ZNF282: variants seen among roughly 807,000 people sequenced by gnomAD.
ZNF282 encodes the protein HTLV-I U5 repressive element-binding protein 1.
Under a neutral mutation model 61.9 loss-of-function variants are expected in ZNF282, and 30 were observed. The ratio of observed to expected loss-of-function variants is 0.48; its 90% confidence interval spans 0.36 to 0.66. The LOEUF (loss-of-function observed/expected upper bound fraction) is 0.66. Among genes scored for constraint, ZNF282 ranks in the 30% least tolerant of loss-of-function variants. The pLI is 0.00. For synonymous variants in ZNF282, 396 were observed against 405.0 expected (o/e 0.98, Z 0.27); for missense variants, 788 against 941.4 (o/e 0.84, Z 2.13).
In ZNF282 at chr7:149,224,527, C is replaced by T. The variant is rs1193034068; in HGVS notation, c.1896C>T (p.Cys632=). Residue 632 remains cysteine (C), a synonymous_variant, in exon 8 of 8, where the codon TGC becomes TGT. Coordinates refer to ENST00000610704, the MANE Select transcript of ZNF282 (RefSeq NM_003575.4). ...RIHTGERPYT[C]GECGKSFRYK... is the part of the protein sequence containing the mutation. The stretch of plus-strand genomic sequence containing the variant: ...ACACGGGCGAGCGCCCCTACACGTG[C>T]GGCGAGTGCGGCAAGAGCTTCCGCT... The T allele has an allele frequency of 1.2e-6, 2 of 1,611,512 alleles. No homozygotes were observed. The highest frequency in any genetic ancestry group is 1.1e-5 in the South Asian group (1 of 91,072).
In ZNF282 at chr7:149,208,756, C is replaced by T. The variant is rs181709240; in HGVS notation, c.832+1286C>T. Among the ~76,000 whole-genome samples, 1,390 of 151,682 alleles carry T rather than the reference C, an allele frequency of 9.2e-3. 20 individuals carry two copies. Among genetic ancestry groups the T allele is most frequent in the African/African-American group, 0.032 (1,327 of 41,428 alleles). On this transcript the variant is annotated intron_variant, in intron 4 of 7. Transcript: ENST00000610704. ...ACACCCGGCAGGGCACGGTGGCTCA[C>T]GCCTGTAATCCTAGCACTTTGGGAG...
At position 149,198,259 on chromosome 7, in the gene ZNF282, C is replaced by A. The variant is rs1055894354; in HGVS notation, c.166-74C>A. ...GACATGTAGCATCTGATTAGTTGACCCCTGTTCCCAGCTGACTTCCCCGGC... is the reference window on the plus strand; with the variant it reads ...GACATGTAGCATCTGATTAGTTGACACCTGTTCCCAGCTGACTTCCCCGGC... On this transcript the variant is annotated intron_variant, in intron 1 of 7. Transcript: ENST00000610704. This position sits in a 1 kb window ranked among gnomAD's most constrained non-coding sequence, Gnocchi z 4.3. The A allele has an allele frequency of 2.7e-6, 4 of 1,507,446 alleles. No individual in the cohort carries two copies. In the East Asian group the frequency reaches 6.8e-5, roughly 26 times the overall value. 93.4% of individuals were successfully genotyped at this position (1,507,446 alleles called of 1,614,324 possible).
chr7:149,221,968 C>T (rs1404598159), intron 7 of ZNF282, among the ~76,000 whole-genome samples: 2 of 151,726 alleles, frequency 1.3e-5, no homozygotes, highest in African/African-American at 4.8e-5. Context: ...AGCTCTTCCA[C>T]AGGCTTCCCC....
chr7:149,204,461 A>G (rs1315821901), intron 2 of ZNF282, among the ~76,000 whole-genome samples: 1 of 152,110 alleles, frequency 6.6e-6, no homozygotes, highest in East Asian at 1.9e-4. Context: ...TGTTGAGGGA[A>G]GGTTTTTCTG....
At chr7:149,202,148 TTC>T (rs1192526116) in intron 2 of ZNF282, among the ~76,000 whole-genome samples, 2 of 147,280 alleles carry the variant, frequency 1.4e-5, no homozygotes, top group African/African-American at 5.1e-5. Flanking sequence ...TAAGATATGC[TTC>T]TTTTTTTTTT....
At chr7:149,213,265 C>T (rs1206145734) in intron 6 of ZNF282, among the ~76,000 whole-genome samples, 3 of 152,200 alleles carry the variant, frequency 2.0e-5, no homozygotes, top group Non-Finnish European at 4.4e-5. Flanking sequence ...AGAGGGAAAG[C>T]GGGGCCTTCC....
Position 149,225,786 on chromosome 7 carries a change from A to G in ZNF282, c.*1139A>G, listed in dbSNP as rs1796360525. The G allele has an allele frequency of 6.5e-6, 1 of 152,740 alleles. No homozygotes were observed. The highest frequency in any genetic ancestry group is 2.1e-4 in the South Asian group (1 of 4,824). 9.5% of individuals were successfully genotyped at this position (152,740 alleles called of 1,614,324 possible). A position where few individuals can be genotyped will look rare whatever the true frequency, so the allele number is the denominator to read the frequency against. ...TTACTGCCCGTGCTCACGGACATGGATACAGACCCTGCTGTGCTCCACACC... is the reference window on the plus strand; with the variant it reads ...TTACTGCCCGTGCTCACGGACATGGGTACAGACCCTGCTGTGCTCCACACC... On this transcript the variant is annotated 3_prime_UTR_variant, in exon 8 of 8. Transcript: ENST00000610704.
At chr7:149,221,789 A>G (rs1014119508) in intron 7 of ZNF282, among the ~76,000 whole-genome samples, 2 of 152,146 alleles carry the variant, frequency 1.3e-5, no homozygotes, top group East Asian at 3.9e-4. Context: ...AGAGTATCAT[A>G]TAAGGACAGA....
chr7:149,206,829 A>G lies in ZNF282; in HGVS notation c.712+7A>G. ...AAAACCCTCATGTCCCTGGGTAAGG[A>G]CACCTTCTCTCCTCTTTGGTGAGCC... On this transcript the variant is annotated splice_region_variant and intron_variant, in intron 3 of 7. Transcript: ENST00000610704. 1 of 1,613,942 alleles carries G rather than the reference A, an allele frequency of 6.2e-7. No homozygotes were observed. The highest frequency in any genetic ancestry group is 8.5e-7 in the Non-Finnish European group (1 of 1,180,006).
chr7:149,222,983 G>C lies in ZNF282; in HGVS notation c.1181-829G>C, dbSNP rs559624077. On this transcript the variant is annotated intron_variant, in intron 7 of 7. Transcript: ENST00000610704. ...ATTTTATTTATTTACTTTTTTGAGA[G>C]ACAGAGTTTCGCTCTTGTTGCCCAG... is the stretch of plus-strand genomic sequence containing the variant. Among the ~76,000 whole-genome samples the C allele has an allele frequency of 1.7e-4, 25 of 149,092 alleles. 1 individual carries two copies. Among genetic ancestry groups the C allele is most frequent in the Non-Finnish European group, 1.5e-5 (1 of 67,398 alleles).
intron 7 of ZNF282, among the ~76,000 whole-genome samples, chr7:149,221,946 CTCTT>C (rs1796261269): frequency 1.3e-5 from 2 of 152,104 alleles, no homozygotes; most frequent in African/African-American, 2.4e-5. Flanking sequence ...GGGAGGCCGT[CTCTT>C]TCTTCAGAGC....
At chr7:149,220,838 G>A (rs186381076) in intron 7 of ZNF282, among the ~76,000 whole-genome samples, 5 of 151,920 alleles carry the variant, frequency 3.3e-5, no homozygotes, top group Admixed American at 6.6e-5. Context: ...GAAGGATGAC[G>A]TAATCATTCC....
intron 7 of ZNF282, among the ~76,000 whole-genome samples, chr7:149,221,342 A>G (rs1009365350): frequency 6.6e-6 from 1 of 152,126 alleles, no homozygotes; most frequent in African/African-American, 2.4e-5. Flanking sequence ...GGGCCTGGAG[A>G]GCCAAGTTGG....
intron 7 of ZNF282, among the ~76,000 whole-genome samples, chr7:149,222,099 G>T (rs998536144): frequency 1.3e-5 from 2 of 152,054 alleles, no homozygotes; most frequent in African/African-American, 4.8e-5. Flanking sequence ...GAGGGGGAAG[G>T]ACTGGGCCTG....
At chr7:149,210,409 G>A (rs1796064107) in intron 4 of ZNF282, among the ~76,000 whole-genome samples, 176 bp from the exon 5 acceptor site, 1 of 152,186 alleles carries the variant, frequency 6.6e-6, no homozygotes, top group African/African-American at 2.4e-5. Context: ...AGGAACCCGA[G>A]ACCCCTGTCT....
rs374619138 is a variant in ZNF282, at chr7:149,199,888, CT to C, written c.585+1146del. ...AGTATTAGCTCAAAAGGTAAAGACTCTTTTTTTTTTAAGTGATAATCTCAAT... is the reference window on the plus strand; with the variant it reads ...AGTATTAGCTCAAAAGGTAAAGACTCTTTTTTTTTAAGTGATAATCTCAAT... On this transcript the variant is annotated intron_variant, in intron 2 of 7. Transcript: ENST00000610704. Among the ~76,000 whole-genome samples the C allele has an allele frequency of 5.7e-3, 852 of 149,168 alleles. 3 individuals carry two copies. The highest frequency in any genetic ancestry group is 0.016 in the African/African-American group (652 of 40,666).
At position 149,198,526 on chromosome 7, in the gene ZNF282, T is replaced by G. The variant is rs1331411284; in HGVS notation, c.359T>G (p.Leu120Arg). 1.2e-6 allele frequency: 2 copies of G among 1,614,184 alleles called. No individual in the cohort carries two copies. Among genetic ancestry groups the G allele is most frequent in the Non-Finnish European group, 1.7e-6 (2 of 1,180,040 alleles). ...GTGGATGCCCAGGCCAGCCAGCTGC[T>G]GAACCTGGAGGGGCGCACGGGGACA... ...RKVDAQASQL[L>R]NLEGRTGTAE... Residue 120 changes from leucine to arginine, a missense_variant, in exon 2 of 8, where the codon CTG becomes CGG. Around this residue, in one of 3 missense-constraint regions of ZNF282, gnomAD observed 92 missense variants for 163.9 expected, o/e 0.56. Coordinates refer to ENST00000610704, the MANE Select transcript of ZNF282 (RefSeq NM_003575.4). This position sits in a 1 kb window ranked among gnomAD's most constrained non-coding sequence, Gnocchi z 4.3.
chr7:149,203,064 C>T (rs902041928), intron 2 of ZNF282, among the ~76,000 whole-genome samples: 2 of 152,150 alleles, frequency 1.3e-5, no homozygotes, highest in South Asian at 2.1e-4. Flanking sequence ...GGCTCTGGTT[C>T]CTCAGCAAAA....
intron 7 of ZNF282, among the ~76,000 whole-genome samples, chr7:149,220,786 G>A (rs1304202963): frequency 6.6e-6 from 1 of 152,134 alleles, no homozygotes; most frequent in East Asian, 1.9e-4. Context: ...AAGCCCTCAG[G>A]GCCATGCATG....
Sources: gnomAD v4.1 joint callset for allele counts (sites outside exome capture counted in the v4.1 genomes callset) on GRCh38, gnomAD v4.1.1 for gene constraint, gnomAD v4.1.1 regional missense constraint, Gnocchi (gnomAD v3.1) non-coding constraint, MANE v1.5 for transcripts, NCBI Gene and HGNC (gene_info 2026-07-23, HGNC 2026-07-21) for gene names.